CALN1: variants seen among roughly 807,000 people sequenced by gnomAD.
The protein encoded by CALN1 is calcium-binding protein 8.
In CALN1, 17 loss-of-function variants were observed where a neutral mutation model predicts 30.6. That is an observed-to-expected ratio of 0.56 (90% CI 0.38 to 0.83). CALN1 has a LOEUF of 0.83. Among genes scored for constraint, CALN1 ranks in the 40% least tolerant of loss-of-function variants. The probability of loss-of-function intolerance (pLI) is 0.00; values close to 1 mark genes in which losing one functional copy is unlikely to be tolerated. For missense variants in CALN1, 291 were observed against 354.9 expected, an observed-to-expected ratio of 0.82 and a Z score of 1.45; for synonymous variants, 156 against 131.4, an observed-to-expected ratio of 1.19 and a Z score of -1.28.
chr7:72,387,432 C>A (rs114933709), intron 2 of CALN1, among the ~76,000 whole-genome samples: 1 of 152,020 alleles, frequency 6.6e-6, no homozygotes, highest in Non-Finnish European at 1.5e-5. Flanking sequence ...GGATACAGTA[C>A]GGAAAGAGGG....
intron 6 of CALN1, among the ~76,000 whole-genome samples, chr7:71,796,863 C>T (rs1584236319): frequency 6.6e-6 from 1 of 152,142 alleles, no homozygotes; most frequent in African/African-American, 2.4e-5. Flanking sequence ...TTCCTGTTTT[C>T]CTGCAAGCTT....
At chr7:72,422,040 T>G (rs1436437939) in intron 1 of CALN1, among the ~76,000 whole-genome samples, 1 of 152,216 alleles carries the variant, frequency 6.6e-6, no homozygotes, top group Admixed American at 6.5e-5. Context: ...CGACCCGCAC[T>G]TAGGCTGGTT....
chr7:71,834,573 T>C (rs1430716378), intron 5 of CALN1, among the ~76,000 whole-genome samples: 3 of 152,054 alleles, frequency 2.0e-5, no homozygotes, highest in African/African-American at 7.2e-5. Context: ...GATGGAAAAG[T>C]GAAACTAAGG....
chr7:71,831,626 C>T (rs1489472356), intron 5 of CALN1, among the ~76,000 whole-genome samples: 3 of 151,856 alleles, frequency 2.0e-5, no homozygotes, highest in Non-Finnish European at 2.9e-5. Context: ...TGGTTCGCAT[C>T]TATAAGCCCA....
chr7:71,931,244 T>A (rs997920570), intron 5 of CALN1, among the ~76,000 whole-genome samples: 21 of 151,898 alleles, frequency 1.4e-4, no homozygotes, highest in Non-Finnish European at 2.8e-4. Context: ...ATTGGTAGCA[T>A]ATGTTCATCT....
At chr7:72,222,139 T>A (rs1209324265) in intron 3 of CALN1, among the ~76,000 whole-genome samples, 1 of 151,724 alleles carries the variant, frequency 6.6e-6, no homozygotes, top group Non-Finnish European at 1.5e-5. Context: ...GGCAGGAGCA[T>A]CGCTTAAACC....
At position 72,338,525 on chromosome 7, in the gene CALN1, G is replaced by GTGTGTGTGTGTGTCTGTCTGTC; in HGVS notation, c.120-59716_120-59715insGACAGACAGACACACACACACA. 1.8e-3 allele frequency among the ~76,000 whole-genome samples: 219 copies of GTGTGTGTGTGTGTCTGTCTGTC among 122,344 alleles called. 1 individual carries two copies. The highest frequency in any genetic ancestry group is 2.2e-3 in the African/African-American group (71 of 32,090). 80.3% of individuals were successfully genotyped at this position (122,344 alleles called of 152,430 possible). ...TGTGTGTGTGTGTGTGTGTGTGTGT[G>GTGTGTGTGTGTGTCTGTCTGTC]TGTCTCACCTGGGTGTGGTTTCAGA... is the stretch of plus-strand genomic sequence containing the variant. On this transcript the variant is annotated intron_variant, in intron 2 of 6. Coordinates refer to ENST00000395275, the MANE Select transcript of CALN1 (RefSeq NM_031468.4).
intron 4 of CALN1, among the ~76,000 whole-genome samples, chr7:72,064,371 T>C (rs1454060301): frequency 2.0e-5 from 3 of 152,186 alleles, no homozygotes; most frequent in African/African-American, 7.2e-5. Flanking sequence ...CCCCTCAAGG[T>C]GCAAGTGAAC....
intron 5 of CALN1, among the ~76,000 whole-genome samples, chr7:71,827,328 G>A (rs1048037684): frequency 5.9e-5 from 9 of 152,206 alleles, no homozygotes; most frequent in Admixed American, 2.6e-4. Flanking sequence ...AGAGAGGCTA[G>A]ATGCAGGGAG....
intron 3 of CALN1, among the ~76,000 whole-genome samples, chr7:72,273,118 C>T (rs1407044074): frequency 2.0e-5 from 3 of 151,706 alleles, no homozygotes; most frequent in African/African-American, 7.3e-5. Context: ...GCATGCATAT[C>T]AATCTCTCAC....
chr7:72,167,613 G>T (rs545093008), intron 3 of CALN1, among the ~76,000 whole-genome samples: 189 of 152,310 alleles, frequency 1.2e-3, no homozygotes, highest in Non-Finnish European at 2.3e-3. Context: ...CCAAAGTGCT[G>T]GGATTACAGG....
chr7:72,451,229 G>A (rs950926492), upstream of CALN1, among the ~76,000 whole-genome samples: 335 of 135,862 alleles, frequency 2.5e-3, 3 homozygotes, highest in African/African-American at 9.7e-3. Context: ...AGGAGGAGGA[G>A]GAGGAGAAGG....
intron 4 of CALN1, among the ~76,000 whole-genome samples, chr7:72,061,687 T>C (rs1166650087): frequency 1.4e-5 from 2 of 148,032 alleles, no homozygotes; most frequent in East Asian, 4.0e-4. Context: ...TAAAAGGAGA[T>C]GAGAAAGGCT....
At chr7:71,833,622 C>T (rs191374764) in intron 5 of CALN1, among the ~76,000 whole-genome samples, 1,719 of 150,244 alleles carry the variant, frequency 0.011, 11 homozygotes, top group Non-Finnish European at 0.018. Flanking sequence ...ATCAGAAGAC[C>T]AGGCGAGGCA....
upstream of CALN1, among the ~76,000 whole-genome samples, chr7:72,413,433 C>CA (rs531581067): frequency 6.9e-4 from 105 of 152,088 alleles, no homozygotes; most frequent in Middle Eastern, 6.8e-3. Context: ...CGTACACTCA[C>CA]ATAGACTCAC....
chr7:72,028,323 T>C (rs1203635612), intron 4 of CALN1, among the ~76,000 whole-genome samples: 1 of 152,120 alleles, frequency 6.6e-6, no homozygotes, highest in Non-Finnish European at 1.5e-5. Flanking sequence ...AGTTTGGAAC[T>C]GGTGCATTTC....
chr7:71,902,765 A>G (rs1435707294), intron 5 of CALN1, among the ~76,000 whole-genome samples: 2 of 152,186 alleles, frequency 1.3e-5, no homozygotes, highest in African/African-American at 4.8e-5. Flanking sequence ...GCATAAGGAA[A>G]ATGTGCTGTA....
At chr7:71,842,287 C>T (rs1260544492) in intron 5 of CALN1, among the ~76,000 whole-genome samples, 1 of 152,230 alleles carries the variant, frequency 6.6e-6, no homozygotes, top group East Asian at 1.9e-4. Flanking sequence ...TACTATCCTG[C>T]CCTGCGGGAG....
At chr7:72,182,016 T>C (rs934351903) in intron 3 of CALN1, among the ~76,000 whole-genome samples, 1 of 152,214 alleles carries the variant, frequency 6.6e-6, no homozygotes, top group African/African-American at 2.4e-5. Context: ...CTAGTGCACC[T>C]GCACTTCAGG....
Sources: allele counts gnomAD v4.1 joint callset (sites outside exome capture counted in the v4.1 genomes callset), GRCh38; gene constraint gnomAD v4.1.1; transcripts MANE v1.5; gene names NCBI Gene and HGNC (gene_info 2026-07-23, HGNC 2026-07-21).